ZEB1: variants seen among roughly 807,000 people sequenced by gnomAD.
ZEB1 encodes zinc finger E-box binding homeobox 1, also known as zinc finger E-box-binding homeobox 1.
ZEB1 carries 21 observed loss-of-function variants against 84.9 expected under a neutral mutation model. That is an observed-to-expected ratio of 0.25 (90% confidence interval 0.18 to 0.36). The LOEUF (loss-of-function observed/expected upper bound fraction) is 0.36, where lower values mean the gene tolerates loss of function less well. Ranked by LOEUF, ZEB1 falls within the 10% of genes least tolerant of loss-of-function variation. The probability of loss-of-function intolerance (pLI) is 1.00; values close to 1 mark genes in which losing one functional copy is unlikely to be tolerated. For missense variants in ZEB1, 1,104 were observed against 1,330.2 expected (o/e 0.83, Z 2.65); for synonymous variants, 420 against 471.1 (o/e 0.89, Z 1.41).
chr10:31,518,927 T>G (rs888249526), intron 6 of ZEB1, among the ~76,000 whole-genome samples: 2 of 152,190 alleles, frequency 1.3e-5, no homozygotes, highest in African/African-American at 4.8e-5. Context: ...GTTTAAACTA[T>G]AGCATTGAAG....
chr10:31,483,727 G>C (rs752336008), intron 2 of ZEB1, among the ~76,000 whole-genome samples: 1 of 151,944 alleles, frequency 6.6e-6, no homozygotes, highest in African/African-American at 2.4e-5. Flanking sequence ...GCAGATTGCT[G>C]TTATCTTCAT....
intron 2 of ZEB1, among the ~76,000 whole-genome samples, chr10:31,464,740 A>C (rs2062193687): frequency 6.6e-6 from 1 of 152,224 alleles, no homozygotes; most frequent in African/African-American, 2.4e-5. Context: ...CAAAGTGCCA[A>C]AAGAAAAACA....
chr10:31,367,798 C>G (rs1478366359), intron 1 of ZEB1, among the ~76,000 whole-genome samples: 1 of 151,968 alleles, frequency 6.6e-6, no homozygotes, highest in East Asian at 1.9e-4. Context: ...ACAACTAGAC[C>G]TAAATATAGA....
rs942723102 is a variant in ZEB1 at position 31,379,889 on chromosome 10, C to G, written c.58+60597C>G. ...AGATCCCAGACTTCAAGTCTTTTCA[C>G]TCCTGCATTCTTTCATATGCATTTC... On this transcript the variant is annotated intron_variant, in intron 1 of 8. Transcript: ENST00000424869. Among the ~76,000 whole-genome samples the G allele has an allele frequency of 2.6e-5, 4 of 152,280 alleles. 1 individual carries two copies. The highest frequency in any genetic ancestry group is 2.0e-4 in the Admixed American group (3 of 15,282).
At chr10:31,476,702 ATG>A (rs1255757265) in intron 2 of ZEB1, among the ~76,000 whole-genome samples, 2 of 152,106 alleles carry the variant, frequency 1.3e-5, no homozygotes, top group Non-Finnish European at 2.9e-5. Context: ...CAAAAACAAA[ATG>A]TATCACAATC....
intron 1 of ZEB1, among the ~76,000 whole-genome samples, chr10:31,410,790 C>T (rs2054091146): frequency 1.3e-5 from 2 of 152,140 alleles, no homozygotes; most frequent in African/African-American, 4.8e-5. Flanking sequence ...AGTTTATTTG[C>T]ATAGAGGTGT....
At chr10:31,328,714 G>C (rs1163057738) in intron 1 of ZEB1, among the ~76,000 whole-genome samples, 1 of 152,046 alleles carries the variant, frequency 6.6e-6, no homozygotes, top group Non-Finnish European at 1.5e-5. Context: ...CTTTTTAAGG[G>C]CCATTATATG....
intron 2 of ZEB1, among the ~76,000 whole-genome samples, chr10:31,476,154 G>T (rs1436841264): frequency 2.6e-5 from 4 of 151,716 alleles, no homozygotes; most frequent in Admixed American, 2.0e-4. Context: ...ATGATGAAAA[G>T]GATCAACATA....
chr10:31,428,878 C>T lies in ZEB1; in HGVS notation c.59-32159C>T, dbSNP rs2057329764. On this transcript the variant is annotated intron_variant, in intron 1 of 8. Transcript: ENST00000424869. ...TTTTGTCAGAAACTAGAATTGCAAC[C>T]CCTGCTTTTTGTTTTGTTTTGTTTT... 3.9e-5 allele frequency among the ~76,000 whole-genome samples: 6 copies of T among 151,998 alleles called. No homozygotes were observed. The South Asian group carries it at 1.2e-3, about 32-fold the overall frequency.
chr10:31,502,671 G>C (rs1368500079), intron 4 of ZEB1, among the ~76,000 whole-genome samples, 162 bp downstream of exon 4: 1 of 152,194 alleles, frequency 6.6e-6, no homozygotes, highest in East Asian at 1.9e-4. Context: ...GGAACACTAT[G>C]ATGACCATGC....
chr10:31,450,783 C>G (rs1248812279), intron 1 of ZEB1, among the ~76,000 whole-genome samples: 1 of 152,026 alleles, frequency 6.6e-6, no homozygotes. Context: ...AGTAAAAGCA[C>G]ATATATTTTC....
chr10:31,491,456 T>G (rs1340832317), intron 2 of ZEB1, among the ~76,000 whole-genome samples: 1 of 151,864 alleles, frequency 6.6e-6, no homozygotes, highest in African/African-American at 2.4e-5. Context: ...CTTTTCCTGC[T>G]CCTTGAGCCT....
chr10:31,388,592 G>A (rs146315690), intron 1 of ZEB1, among the ~76,000 whole-genome samples: 34 of 152,222 alleles, frequency 2.2e-4, no homozygotes, highest in African/African-American at 6.5e-4. Context: ...TGGTCGAGGA[G>A]TTAGAACTAG....
chr10:31,361,138 G>A, intron 1 of ZEB1: 2 of 1,611,976 alleles, frequency 1.2e-6, no homozygotes, highest in East Asian at 2.2e-5. Flanking sequence ...AGAACTGATT[G>A]AAGAGTGGCA....
rs138668340 is a variant in ZEB1 at position 31,413,499 on chromosome 10, C to T, written c.59-47538C>T. Among the ~76,000 whole-genome samples the T allele has an allele frequency of 7.8e-3, 1,184 of 151,994 alleles. 9 individuals are homozygous for T. The highest frequency in any genetic ancestry group is 0.027 in the African/African-American group (1,099 of 41,456). ...AGGGAGAGAAACACTGGTAGTTGGT[C>T]GTAGACTGGTAGTGGTGTAGAAATA... On this transcript the variant is annotated intron_variant, in intron 1 of 8. Transcript: ENST00000424869.
At chr10:31,438,884 A>ACGTACATACATG (rs1190543055) in intron 1 of ZEB1, among the ~76,000 whole-genome samples, 1 of 152,194 alleles carries the variant, frequency 6.6e-6, no homozygotes, top group Non-Finnish European at 1.5e-5. Context: ...ACATATACAT[A>ACGTACATACATG]CGTACATACA....
At chr10:31,363,443 T>C in intron 1 of ZEB1, 10 of 1,534,086 alleles carry the variant, frequency 6.5e-6, no homozygotes, top group Non-Finnish European at 8.7e-6. Context: ...GGCCTGGGAT[T>C]GTACCAGGAA....
intron 1 of ZEB1, among the ~76,000 whole-genome samples, chr10:31,340,914 G>A (rs1280077818): frequency 6.6e-6 from 1 of 152,116 alleles, no homozygotes; most frequent in African/African-American, 2.4e-5. Flanking sequence ...AGGAGCAAAG[G>A]CACATGGGTG....
At chr10:31,388,159 T>A (rs2048975913) in intron 1 of ZEB1, among the ~76,000 whole-genome samples, 1 of 152,176 alleles carries the variant, frequency 6.6e-6, no homozygotes, top group South Asian at 2.1e-4. Flanking sequence ...TAGGATTAGG[T>A]CAGTCTTAGG....
Sources: gnomAD v4.1 joint callset for allele counts (sites outside exome capture counted in the v4.1 genomes callset) on GRCh38, gnomAD v4.1.1 for gene constraint, MANE v1.5 for transcripts, NCBI Gene and HGNC (gene_info 2026-07-23, HGNC 2026-07-21) for gene names.